The following SENP7 variants were observed in gnomAD, a reference collection of about 807,000 sequenced individuals.
SENP7 encodes the protein sentrin-specific protease 7.
SENP7 carries 64 observed loss-of-function variants against 141.2 expected under a neutral mutation model. That is an observed-to-expected ratio of 0.45 (90% CI 0.37 to 0.56). The LOEUF (loss-of-function observed/expected upper bound fraction) is 0.56. Ranked by LOEUF, SENP7 falls within the 20% of genes least tolerant of loss-of-function variation. SENP7 has a pLI of 0.00. For synonymous variants in SENP7, 382 were observed against 426.4 expected (o/e 0.90, Z 1.28); for missense variants, 1,025 against 1,212.2 (o/e 0.85, Z 2.29).
intron 5 of SENP7, among the ~76,000 whole-genome samples, chr3:101,414,939 C>T (rs574852270): frequency 5.7e-5 from 8 of 141,270 alleles, no homozygotes; most frequent in Admixed American, 5.1e-4. Context: ...AGCCCTCCAA[C>T]ACACCAGACT....
chr3:101,330,393 A>G lies in SENP7; in HGVS notation c.2699-7T>C, dbSNP rs746229723. 6.3e-7 allele frequency: 1 copy of G among 1,595,402 alleles called. No homozygotes were observed. The highest frequency in any genetic ancestry group is 2.2e-5 in the East Asian group (1 of 44,658). The stretch of plus-strand genomic sequence containing the variant: ...GTAGTACGTAGATCATTATCTAGTT[A>G]GAAATAATTAAGCAGTTATGAGTGT... On this transcript the variant is annotated splice_polypyrimidine_tract_variant and splice_region_variant and intron_variant, in intron 19 of 23. Coordinates refer to ENST00000394095, the MANE Select transcript of SENP7 (RefSeq NM_020654.5).
At chr3:101,366,818 C>T (rs764623991) in intron 8 of SENP7, 49 bp from the exon 9 acceptor site, 7 of 1,257,696 alleles carry the variant, frequency 5.6e-6, no homozygotes, top group Admixed American at 4.8e-5. Context: ...ATTTGGCTTG[C>T]TTAAACCATT....
At chr3:101,468,534 A>G (rs1345965739) in intron 3 of SENP7, among the ~76,000 whole-genome samples, 1 of 152,232 alleles carries the variant, frequency 6.6e-6, no homozygotes, top group Non-Finnish European at 1.5e-5. Context: ...ATAAGCCAGA[A>G]GAGAGTGGGG....
chr3:101,502,921 T>TAAAAAAAA (rs371641769), intron 1 of SENP7, among the ~76,000 whole-genome samples: 1 of 134,682 alleles, frequency 7.4e-6, no homozygotes. Context: ...GTCTCAGATT[T>TAAAAAAAA]AAAAAAAAAA....
At chr3:101,476,543 G>A (rs1393861629) in intron 3 of SENP7, among the ~76,000 whole-genome samples, 3 of 152,084 alleles carry the variant, frequency 2.0e-5, no homozygotes, top group African/African-American at 7.2e-5. Flanking sequence ...ATTGTGAATG[G>A]TGCCACAATA....
At chr3:101,421,272 TAAAG>T (rs1435955161) in intron 4 of SENP7, among the ~76,000 whole-genome samples, 1 of 151,860 alleles carries the variant, frequency 6.6e-6, no homozygotes, top group African/African-American at 2.4e-5. Context: ...TATACATGCA[TAAAG>T]AGACACCGAG....
At chr3:101,474,924 C>A (rs2064155498) in intron 3 of SENP7, among the ~76,000 whole-genome samples, 1 of 152,156 alleles carries the variant, frequency 6.6e-6, no homozygotes, top group Admixed American at 6.6e-5. Flanking sequence ...AAGATTTAGA[C>A]TGGCTGAATA....
chr3:101,461,547 C>T (rs2063546429), intron 3 of SENP7, among the ~76,000 whole-genome samples: 1 of 151,848 alleles, frequency 6.6e-6, no homozygotes, highest in Non-Finnish European at 1.5e-5. Context: ...GAACATGGAA[C>T]CTTCATACAT....
intron 23 of SENP7, 54 bp from the exon 24 acceptor site, chr3:101,326,134 G>A (rs1291538735): frequency 1.4e-6 from 2 of 1,385,612 alleles, no homozygotes; most frequent in Non-Finnish European, 1.9e-6. Flanking sequence ...TTTCAAATTT[G>A]TTTTAATTTC....
chr3:101,414,894 T>C (rs2061566326), intron 5 of SENP7, among the ~76,000 whole-genome samples: 1 of 152,168 alleles, frequency 6.6e-6, no homozygotes, highest in Non-Finnish European at 1.5e-5. Context: ...CCAGTGCTTG[T>C]CCTGGCAGTA....
At chr3:101,453,898 A>G (rs997096738) in intron 4 of SENP7, among the ~76,000 whole-genome samples, 2 of 152,130 alleles carry the variant, frequency 1.3e-5, no homozygotes, top group African/African-American at 4.8e-5. Flanking sequence ...ACAAATGACC[A>G]ATTAGCACAT....
intron 5 of SENP7, among the ~76,000 whole-genome samples, chr3:101,409,800 G>T (rs983980070): frequency 2.6e-5 from 4 of 152,154 alleles, no homozygotes; most frequent in Non-Finnish European, 5.9e-5. Flanking sequence ...ATGGATTAAG[G>T]ACTTAAATCT....
At chr3:101,441,020 C>T (rs949973249) in intron 4 of SENP7, among the ~76,000 whole-genome samples, 3 of 152,150 alleles carry the variant, frequency 2.0e-5, no homozygotes, top group African/African-American at 7.2e-5. Flanking sequence ...TGGAGGCCTG[C>T]CCAGCTCACC....
At chr3:101,329,293 G>A (rs1423497405) in intron 20 of SENP7, among the ~76,000 whole-genome samples, 3 of 152,044 alleles carry the variant, frequency 2.0e-5, no homozygotes, top group Admixed American at 6.6e-5. Context: ...TGCTTATCAC[G>A]AACTGAGTCT....
chr3:101,375,400 A>G (rs2060294051), intron 6 of SENP7, among the ~76,000 whole-genome samples: 1 of 151,948 alleles, frequency 6.6e-6, no homozygotes, highest in Admixed American at 6.6e-5. Flanking sequence ...AAAATTAGCC[A>G]GGCGTGGTGG....
intron 5 of SENP7, among the ~76,000 whole-genome samples, chr3:101,401,511 A>G (rs1337252507): frequency 2.0e-5 from 3 of 150,938 alleles, no homozygotes; most frequent in Non-Finnish European, 4.4e-5. Context: ...CCTGGGCGAC[A>G]GAGCAACACT....
chr3:101,371,947 AATT>A (rs1308227140), intron 7 of SENP7, 58 bp downstream of exon 7: 7 of 604,016 alleles, frequency 1.2e-5, no homozygotes, highest in Non-Finnish European at 1.8e-5. Flanking sequence ...TTATAACAAA[AATT>A]ATTATTAATA....
At chr3:101,340,073 G>A in intron 16 of SENP7, 22 bp downstream of exon 16, 1 of 1,535,940 alleles carries the variant, frequency 6.5e-7, no homozygotes, top group Non-Finnish European at 8.7e-7. Context: ...AAATATGTAG[G>A]ATCATTTATC....
chr3:101,349,874 C>G (rs538920423), intron 12 of SENP7, among the ~76,000 whole-genome samples: 17 of 152,024 alleles, frequency 1.1e-4, no homozygotes, highest in Non-Finnish European at 2.4e-4. Context: ...GTAACAGAAC[C>G]CTAATTTTAC....
Sources: allele counts gnomAD v4.1 joint callset (sites outside exome capture counted in the v4.1 genomes callset), GRCh38; gene constraint gnomAD v4.1.1; transcripts MANE v1.5; gene names NCBI Gene and HGNC (gene_info 2026-07-23, HGNC 2026-07-21).